Variants in DNAJC1 observed in about 807,000 individuals in gnomAD.
DNAJC1 encodes the protein DnaJ heat shock protein family (Hsp40) member C1.
Under a neutral mutation model 76.6 loss-of-function variants are expected in DNAJC1, and 58 were observed. The observed-to-expected ratio is 0.76, with a 90% CI of 0.61 to 0.94. DNAJC1 has a LOEUF of 0.94. Ranked by LOEUF, DNAJC1 falls within the 40% of genes least tolerant of loss-of-function variation. The pLI, the probability that DNAJC1 is intolerant of heterozygous loss-of-function variation, is 0.00. For missense variants in DNAJC1, 689 were observed against 677.3 expected (o/e 1.02, Z -0.19); for synonymous variants, 258 against 267.9 (o/e 0.96, Z 0.36).
intron 1 of DNAJC1, among the ~76,000 whole-genome samples, chr10:21,932,867 T>C (rs1837250707): frequency 6.6e-6 from 1 of 152,204 alleles, no homozygotes; most frequent in African/African-American, 2.4e-5. Context: ...CCCAAAGTGC[T>C]GGGATTACAG....
intron 8 of DNAJC1, among the ~76,000 whole-genome samples, chr10:21,843,392 C>CTTT (rs34760207): frequency 9.7e-5 from 13 of 134,444 alleles, no homozygotes; most frequent in African/African-American, 1.4e-4. Context: ...AGAGGTTTCC[C>CTTT]TTTTTTTTTT....
At chr10:21,801,654 T>C (rs1007370856) in intron 9 of DNAJC1, among the ~76,000 whole-genome samples, 14 of 152,152 alleles carry the variant, frequency 9.2e-5, no homozygotes, top group African/African-American at 3.4e-4. Flanking sequence ...CCCAGAGGAA[T>C]GTAAATCATT....
At chr10:21,773,923 C>T (rs1834422093) in intron 9 of DNAJC1, among the ~76,000 whole-genome samples, 1 of 151,236 alleles carries the variant, frequency 6.6e-6, no homozygotes, top group Admixed American at 6.6e-5. Context: ...GGGCGGATCA[C>T]GAGGTCAGGA....
intron 1 of DNAJC1, among the ~76,000 whole-genome samples, chr10:21,970,618 G>C (rs7923514): frequency 6.6e-6 from 1 of 151,780 alleles, no homozygotes; most frequent in Non-Finnish European, 1.5e-5. Flanking sequence ...CTCTTTCCCA[G>C]GTCAGCATCT....
intron 1 of DNAJC1, among the ~76,000 whole-genome samples, chr10:21,952,779 G>A (rs915649346): frequency 1.4e-4 from 21 of 152,076 alleles, no homozygotes; most frequent in South Asian, 2.1e-4. Context: ...TCAATCAATC[G>A]ATAATAAAGA....
chr10:21,805,837 C>T, intron 9 of DNAJC1, 143 bp downstream of exon 9: 1 of 1,006,898 alleles, frequency 9.9e-7, no homozygotes, highest in Admixed American at 2.1e-5. Context: ...TCACTTATTG[C>T]ATTAATGGTT....
At chr10:21,918,646 A>G (rs1836991588) in intron 6 of DNAJC1, 133 bp downstream of exon 6, 1 of 607,960 alleles carries the variant, frequency 1.6e-6, no homozygotes, top group Non-Finnish European at 2.9e-6. Flanking sequence ...TTTAACTTAT[A>G]AAAATCCTAC....
At chr10:21,980,680 A>G (rs1838141069) in intron 1 of DNAJC1, among the ~76,000 whole-genome samples, 1 of 152,148 alleles carries the variant, frequency 6.6e-6, no homozygotes, top group Non-Finnish European at 1.5e-5. Context: ...GTTTTTATCA[A>G]TTTATTAAGG....
intron 9 of DNAJC1, among the ~76,000 whole-genome samples, chr10:21,780,015 C>T (rs748099813): frequency 2.6e-5 from 4 of 151,650 alleles, no homozygotes; most frequent in East Asian, 3.9e-4. Context: ...ATCAAATGAA[C>T]GAAATGAAGT....
At chr10:21,840,113 G>C (rs891935206) in intron 8 of DNAJC1, among the ~76,000 whole-genome samples, 1 of 152,132 alleles carries the variant, frequency 6.6e-6, no homozygotes, top group Non-Finnish European at 1.5e-5. Flanking sequence ...AAAATAATAA[G>C]AGCTATCTAT....
chr10:21,762,626 T>A (rs1259123259), intron 10 of DNAJC1, among the ~76,000 whole-genome samples: 1 of 152,226 alleles, frequency 6.6e-6, no homozygotes, highest in Non-Finnish European at 1.5e-5. Flanking sequence ...CTTATTTATC[T>A]GAGATGGGGC....
intron 8 of DNAJC1, among the ~76,000 whole-genome samples, chr10:21,846,882 T>C (rs1358418683): frequency 6.7e-6 from 1 of 149,806 alleles, no homozygotes; most frequent in Non-Finnish European, 1.5e-5. Flanking sequence ...ATAATGACTT[T>C]TTTTTTTTTT....
At chr10:21,777,409 T>A (rs1329896711) in intron 9 of DNAJC1, among the ~76,000 whole-genome samples, 1 of 152,208 alleles carries the variant, frequency 6.6e-6, no homozygotes, top group Non-Finnish European at 1.5e-5. Context: ...AAGTGTTCCA[T>A]TAGAGCATAA....
rs530442401 is a variant in DNAJC1 at position 21,781,251 on chromosome 10, G to C, written c.1099-14942C>G. On this transcript the variant is annotated intron_variant, in intron 9 of 11. Transcript: ENST00000376980. ...AGCTTTGCACCAAGCGGACCTAATAGACATCAACAGAACTCTCCACCCCAA... is the reference window on the plus strand; with the variant it reads ...AGCTTTGCACCAAGCGGACCTAATACACATCAACAGAACTCTCCACCCCAA... Among the ~76,000 whole-genome samples the C allele has an allele frequency of 2.0e-5, 3 of 152,262 alleles. No homozygotes were observed. The East Asian group carries it at 5.8e-4, about 29-fold the overall frequency.
chr10:21,788,045 G>T (rs1489725239), intron 9 of DNAJC1, among the ~76,000 whole-genome samples: 1 of 152,180 alleles, frequency 6.6e-6, no homozygotes, highest in African/African-American at 2.4e-5. Flanking sequence ...ATCCACAAGT[G>T]GCTCAGCTGT....
At chr10:21,766,397 T>G in intron 9 of DNAJC1, 88 bp from the exon 10 acceptor site, 3 of 963,776 alleles carry the variant, frequency 3.1e-6, no homozygotes, top group Non-Finnish European at 5.1e-6. Flanking sequence ...TCCATGTGAA[T>G]GAACACAGTT....
intron 8 of DNAJC1, among the ~76,000 whole-genome samples, chr10:21,851,512 AT>A (rs1835752109): frequency 6.6e-6 from 1 of 152,180 alleles, no homozygotes; most frequent in Non-Finnish European, 1.5e-5. Context: ...TATGGAGAAA[AT>A]GGAATCCTCG....
At chr10:21,812,397 CA>C (rs1834982099) in intron 8 of DNAJC1, among the ~76,000 whole-genome samples, 1 of 152,076 alleles carries the variant, frequency 6.6e-6, no homozygotes, top group South Asian at 2.1e-4. Flanking sequence ...GCTTACTGGC[CA>C]AGTGAATGCT....
Position 21,996,140 on chromosome 10 carries a change from C to T in DNAJC1, c.222+7073G>A, listed in dbSNP as rs559787486. Among the ~76,000 whole-genome samples, 4 of 152,246 alleles carry T rather than the reference C, an allele frequency of 2.6e-5. No individual in the cohort carries two copies. In the South Asian group the frequency reaches 6.2e-4, roughly 24 times the overall value. On this transcript the variant is annotated intron_variant, in intron 1 of 11. Transcript: ENST00000376980. ...TCATCCAATCAGAAATCTCTCTTTCCACTGCAATTCCTTTCCTTTATTTTT... is the reference window on the plus strand; with the variant it reads ...TCATCCAATCAGAAATCTCTCTTTCTACTGCAATTCCTTTCCTTTATTTTT...
Sources: allele counts gnomAD v4.1 joint callset (sites outside exome capture counted in the v4.1 genomes callset), GRCh38; gene constraint gnomAD v4.1.1; transcripts MANE v1.5; gene names NCBI Gene and HGNC (gene_info 2026-07-23, HGNC 2026-07-21).